The following PPP3CA variants were observed in gnomAD, a reference collection of about 807,000 sequenced individuals.
PPP3CA encodes the protein CAM-PRP catalytic subunit.
A neutral mutation model predicts 66.5 loss-of-function variants in PPP3CA; 14 were observed. The ratio of observed to expected loss-of-function variants is 0.21; its 90% CI spans 0.14 to 0.33. The LOEUF (loss-of-function observed/expected upper bound fraction) is 0.33. Ranked by LOEUF, PPP3CA falls within the 10% of genes least tolerant of loss-of-function variation. The probability of loss-of-function intolerance (pLI) is 1.00; values close to 1 mark genes in which losing one functional copy is unlikely to be tolerated. For missense variants in PPP3CA, 317 were observed against 639.5 expected (o/e 0.50, Z 5.44); for synonymous variants, 232 against 226.2 (o/e 1.03, Z -0.23).
In PPP3CA at chr4:101,279,232, C is replaced by CA. The variant is rs199753029; in HGVS notation, c.58+67506dup. On this transcript the variant is annotated intron_variant, in intron 1 of 13. Transcript: ENST00000394854. The stretch of plus-strand genomic sequence containing the variant: ...AATTACATTTTACAAATGGCAAGGT[C>CA]AAAAAAAAATGTGTGATCCAAGAGC... 1.0e-4 allele frequency among the ~76,000 whole-genome samples: 15 copies of CA among 149,772 alleles called. No homozygotes were observed. The East Asian group carries it at 2.9e-3, about 29-fold the overall frequency.
intron 1 of PPP3CA, among the ~76,000 whole-genome samples, chr4:101,289,578 T>C (rs919797633): frequency 6.6e-6 from 1 of 152,262 alleles, no homozygotes; most frequent in Non-Finnish European, 1.5e-5. Flanking sequence ...TTTCTGAATT[T>C]AATCATTTCA....
At chr4:101,197,440 T>C (rs1362277549) in intron 1 of PPP3CA, among the ~76,000 whole-genome samples, 2 of 152,216 alleles carry the variant, frequency 1.3e-5, no homozygotes, top group Admixed American at 6.5e-5. Context: ...CTTGGCAGAT[T>C]TGGTGGCTGA....
At chr4:101,239,502 G>A (rs929627045) in intron 1 of PPP3CA, among the ~76,000 whole-genome samples, 2 of 152,014 alleles carry the variant, frequency 1.3e-5, no homozygotes, top group African/African-American at 2.4e-5. Context: ...CAAGACCTAA[G>A]GACAATTAGG....
chr4:101,061,269 T>A, intron 9 of PPP3CA, 108 bp from the exon 10 acceptor site: 1 of 939,882 alleles, frequency 1.1e-6, no homozygotes, highest in Middle Eastern at 2.2e-4. Context: ...TCTTATTTAG[T>A]TTGTATATAG....
At chr4:101,128,548 G>A (rs926552405) in intron 2 of PPP3CA, among the ~76,000 whole-genome samples, 22 of 151,870 alleles carry the variant, frequency 1.4e-4, no homozygotes, top group African/African-American at 3.9e-4. Context: ...TGAGGTACCC[G>A]GTTCATTTCA....
intron 10 of PPP3CA, among the ~76,000 whole-genome samples, chr4:101,051,753 A>C (rs1052154217): frequency 2.0e-5 from 3 of 152,116 alleles, no homozygotes; most frequent in African/African-American, 7.2e-5. Context: ...TTCTCGAATA[A>C]ATTTTATAAA....
chr4:101,069,805 T>A (rs1396068541), intron 8 of PPP3CA, among the ~76,000 whole-genome samples: 3 of 152,240 alleles, frequency 2.0e-5, no homozygotes, highest in Non-Finnish European at 2.9e-5. Context: ...ATATTTTCTC[T>A]TGCTTATAAT....
intron 1 of PPP3CA, among the ~76,000 whole-genome samples, chr4:101,224,285 T>C (rs948520116): frequency 6.6e-6 from 1 of 151,772 alleles, no homozygotes; most frequent in Non-Finnish European, 1.5e-5. Flanking sequence ...TTCCTAAGCA[T>C]CTTGGTTTTG....
chr4:101,146,930 A>G (rs943963211), intron 2 of PPP3CA, among the ~76,000 whole-genome samples: 2 of 152,190 alleles, frequency 1.3e-5, no homozygotes, highest in Non-Finnish European at 2.9e-5. Flanking sequence ...TCAGTGCTCA[A>G]AAAGTTTCAA....
chr4:101,085,245 AT>A (rs1240950999), intron 6 of PPP3CA, among the ~76,000 whole-genome samples: 30 of 152,156 alleles, frequency 2.0e-4, no homozygotes, highest in African/African-American at 7.2e-4. Context: ...ATGCCTCTGT[AT>A]AGAAGTATAC....
intron 2 of PPP3CA, among the ~76,000 whole-genome samples, chr4:101,190,739 C>A (rs1246747861): frequency 6.6e-6 from 1 of 152,168 alleles, no homozygotes; most frequent in Non-Finnish European, 1.5e-5. Flanking sequence ...GGAAAAACTA[C>A]ACACATAAAC....
chr4:101,277,401 G>C (rs550278754), intron 1 of PPP3CA, among the ~76,000 whole-genome samples: 1 of 152,138 alleles, frequency 6.6e-6, no homozygotes, highest in South Asian at 2.1e-4. Flanking sequence ...AATTCATTTA[G>C]GTAAATATCA....
chr4:101,093,420 A>T (rs934778612), intron 6 of PPP3CA, among the ~76,000 whole-genome samples: 5 of 140,456 alleles, frequency 3.6e-5, no homozygotes, highest in Admixed American at 2.1e-4. Context: ...TTTTTTTTTT[A>T]GATACAATGC....
At chr4:101,261,613 C>A (rs1234937325) in intron 1 of PPP3CA, among the ~76,000 whole-genome samples, 3 of 151,982 alleles carry the variant, frequency 2.0e-5, no homozygotes, top group South Asian at 2.1e-4. Flanking sequence ...TTATAAGTGA[C>A]TAATGTAGTA....
chr4:101,102,634 T>A (rs1730498238), intron 3 of PPP3CA, among the ~76,000 whole-genome samples: 1 of 152,142 alleles, frequency 6.6e-6, no homozygotes, highest in South Asian at 2.1e-4. Context: ...TTTTACCATC[T>A]AAAGCTCTAA....
intron 2 of PPP3CA, among the ~76,000 whole-genome samples, chr4:101,111,874 G>C (rs546195739): frequency 2.0e-5 from 3 of 152,160 alleles, no homozygotes; most frequent in Non-Finnish European, 4.4e-5. Context: ...CAAAATGGCT[G>C]TATTTAAAAT....
At chr4:101,164,279 T>C (rs546708148) in intron 2 of PPP3CA, among the ~76,000 whole-genome samples, 2 of 152,294 alleles carry the variant, frequency 1.3e-5, no homozygotes, top group South Asian at 4.1e-4. Context: ...ACTTATCACC[T>C]TCTAACATCT....
At chr4:101,332,315 G>T (rs1729414192) in intron 1 of PPP3CA, among the ~76,000 whole-genome samples, 1 of 152,198 alleles carries the variant, frequency 6.6e-6, no homozygotes, top group Non-Finnish European at 1.5e-5. Context: ...ACTGCCTAGA[G>T]AAAGGTATAA....
chr4:101,084,508 G>T (rs1331540531), intron 6 of PPP3CA, among the ~76,000 whole-genome samples: 3 of 151,708 alleles, frequency 2.0e-5, no homozygotes, highest in African/African-American at 7.3e-5. Flanking sequence ...CCAGGCTTAG[G>T]GGTGGGCGCC....
Sources: gnomAD v4.1 joint callset for allele counts (sites outside exome capture counted in the v4.1 genomes callset) on GRCh38, gnomAD v4.1.1 for gene constraint, MANE v1.5 for transcripts, NCBI Gene and HGNC (gene_info 2026-07-23, HGNC 2026-07-21) for gene names.